Variants in HPSE2 observed in about 807,000 individuals in gnomAD.
HPSE2 encodes heparanase 2 (inactive).
HPSE2 carries 38 observed loss-of-function variants against 60.5 expected under a neutral mutation model. The observed-to-expected ratio is 0.63, with a 90% confidence interval of 0.48 to 0.82. The LOEUF is 0.82. HPSE2 is among the 40% of genes least tolerant of loss of function. The pLI is 0.00. For synonymous variants in HPSE2, 295 were observed against 293.2 expected, an observed-to-expected ratio of 1.01 and a Z score of -0.06; for missense variants, 713 against 740.4, an observed-to-expected ratio of 0.96 and a Z score of 0.43.
intron 9 of HPSE2, among the ~76,000 whole-genome samples, chr10:98,572,443 G>T (rs887946427): frequency 6.6e-6 from 1 of 152,084 alleles, no homozygotes; most frequent in African/African-American, 2.4e-5. Context: ...TGCTTTGGCT[G>T]CTTGCTCTAA....
intron 3 of HPSE2, among the ~76,000 whole-genome samples, chr10:98,795,704 G>T (rs1455899178): frequency 1.3e-5 from 2 of 152,220 alleles, no homozygotes; most frequent in African/African-American, 4.8e-5. Flanking sequence ...GGGTGGCTAA[G>T]GGAGTGCTTG....
intron 3 of HPSE2, among the ~76,000 whole-genome samples, chr10:98,780,056 T>C (rs978511945): frequency 6.6e-5 from 10 of 152,054 alleles, no homozygotes; most frequent in African/African-American, 2.2e-4. Context: ...ACTAAAATTG[T>C]TTTCTCTATG....
At chr10:98,602,556 ATTGG>A (rs1945458121) in intron 9 of HPSE2, among the ~76,000 whole-genome samples, 2 of 152,124 alleles carry the variant, frequency 1.3e-5, no homozygotes, top group Admixed American at 1.3e-4. Context: ...AGATTATGGT[ATTGG>A]CCATAATCTC....
chr10:99,219,040 A>C (rs1181572227), intron 2 of HPSE2, among the ~76,000 whole-genome samples: 3 of 152,222 alleles, frequency 2.0e-5, no homozygotes, highest in Admixed American at 1.3e-4. Flanking sequence ...TGGCTTAGTG[A>C]CTAAGTCACC....
At chr10:98,563,291 C>T (rs549855186) in intron 9 of HPSE2, among the ~76,000 whole-genome samples, 2 of 152,062 alleles carry the variant, frequency 1.3e-5, no homozygotes, top group African/African-American at 2.4e-5. Context: ...AGACATTATG[C>T]TAAGTCAAAG....
At chr10:99,109,771 G>T (rs1247050634) in intron 3 of HPSE2, among the ~76,000 whole-genome samples, 1 of 152,152 alleles carries the variant, frequency 6.6e-6, no homozygotes, top group East Asian at 1.9e-4. Flanking sequence ...GTTGGGTATT[G>T]CTAGTTCATA....
chr10:99,262,747 G>A, the HPSE2 span, among the ~76,000 whole-genome samples: 2 of 152,068 alleles, frequency 1.3e-5, no homozygotes, highest in Admixed American at 1.3e-4. Flanking sequence ...CAACCAAGTT[G>A]TCTTGCCTAT....
chr10:99,168,087 TACACAC>T (rs56393224), intron 2 of HPSE2, among the ~76,000 whole-genome samples: 5,777 of 144,668 alleles, frequency 0.04, 132 homozygotes, highest in Admixed American at 0.05. Context: ...TCAGCCTATT[TACACAC>T]ACACACACAC....
chr10:98,636,292 T>C (rs1206992093), intron 7 of HPSE2, among the ~76,000 whole-genome samples: 2 of 151,288 alleles, frequency 1.3e-5, no homozygotes, highest in Non-Finnish European at 2.9e-5. Context: ...CAGACTGGAG[T>C]GCAATGGCGT....
chr10:99,132,193 G>GC (rs1845436971), intron 3 of HPSE2, among the ~76,000 whole-genome samples: 1 of 13,418 alleles, frequency 7.5e-5, no homozygotes, highest in Non-Finnish European at 2.1e-4. Flanking sequence ...AAGAAAGAAA[G>GC]AGAGAGAGAG....
chr10:98,482,692 G>A lies in HPSE2; in HGVS notation c.1557C>T (p.Asp519=), dbSNP rs750545988. Reference sequence around the variant, plus strand: ...GCAGCAGGTACTGGTGAACCAGCTTGTCTCTGAGAGTCCCAGCCAGCTTGA... The same window carrying A: ...GCAGCAGGTACTGGTGAACCAGCTTATCTCTGAGAGTCCCAGCCAGCTTGA... ...KKIKLAGTLR[D]KLVHQYLLQP... The change falls in exon 11 of 12, where the codon GAC becomes GAT. Residue 519 remains aspartate (D), a synonymous_variant. Transcript: ENST00000370552. 6.2e-7 allele frequency: 1 copy of A among 1,614,184 alleles called. No individual in the cohort carries two copies. The highest frequency in any genetic ancestry group is 2.2e-5 in the East Asian group (1 of 44,882).
At chr10:98,876,641 T>G (rs1296371521) in intron 3 of HPSE2, among the ~76,000 whole-genome samples, 2 of 151,884 alleles carry the variant, frequency 1.3e-5, no homozygotes, top group African/African-American at 2.4e-5. Flanking sequence ...GAGGGTGGAT[T>G]TTTTTAGTCA....
rs1591261385 is a variant in HPSE2, at chr10:98,490,447, G to A, written c.1321-251C>T. On this transcript the variant is annotated intron_variant, in intron 9 of 11. Transcript: ENST00000370552. The stretch of plus-strand genomic sequence containing the variant: ...TTCAACTAAACTGGGATGTGTAAGT[G>A]GAGTCGATCCACAGCAGCATATGAA... Among the ~76,000 whole-genome samples, 4 of 152,242 alleles carry A rather than the reference G, an allele frequency of 2.6e-5. 1 individual carries two copies. In the Middle Eastern group the frequency reaches 0.01, roughly 388 times the overall value.
chr10:98,490,072 G>C lies in HPSE2; in HGVS notation c.1445C>G (p.Ala482Gly). Reference protein sequence around the residue: ...RVIRDKLRIYAHCTNHHNHNY... With the variant: ...RVIRDKLRIYGHCTNHHNHNY... ...TTACTTGTGGTGGTTTGTGCAGTGA[G>C]CATAAATCCTTAGTTTGTCCCGGAT... The change falls in exon 10 of 12, where the codon GCT (alanine) becomes GGT (glycine). Residue 482 changes from alanine to glycine, a missense_variant. Ala to Gly is a moderately conservative substitution (Grantham distance 60). Coordinates refer to ENST00000370552, the MANE Select transcript of HPSE2 (RefSeq NM_021828.5). 6.2e-7 allele frequency: 1 copy of C among 1,614,204 alleles called. No homozygotes were observed. Among genetic ancestry groups the C allele is most frequent in the Non-Finnish European group, 8.5e-7 (1 of 1,180,018 alleles).
chr10:99,283,136 A>T, the HPSE2 span, among the ~76,000 whole-genome samples: 186 of 151,432 alleles, frequency 1.2e-3, 5 homozygotes, highest in Non-Finnish European at 3.2e-4. Context: ...CAGTGAGCCA[A>T]GATCACGCCA....
At chr10:98,706,639 G>A (rs1440705519) in intron 5 of HPSE2, among the ~76,000 whole-genome samples, 2 of 152,188 alleles carry the variant, frequency 1.3e-5, no homozygotes, top group African/African-American at 4.8e-5. Context: ...TGTTGAATAT[G>A]AGATTGAAAG....
intron 9 of HPSE2, among the ~76,000 whole-genome samples, chr10:98,508,529 T>C (rs1010627993): frequency 6.6e-6 from 1 of 152,208 alleles, no homozygotes; most frequent in Admixed American, 6.5e-5. Context: ...ATCATGAAGT[T>C]TCTAACCTAG....
chr10:98,795,388 G>C (rs572790983), intron 3 of HPSE2, among the ~76,000 whole-genome samples: 3 of 152,338 alleles, frequency 2.0e-5, no homozygotes, highest in Admixed American at 2.0e-4. Flanking sequence ...CAGCAGATGG[G>C]GGACTTTACA....
chr10:99,056,308 T>C (rs982023736), intron 3 of HPSE2, among the ~76,000 whole-genome samples: 1 of 152,040 alleles, frequency 6.6e-6, no homozygotes, highest in Non-Finnish European at 1.5e-5. Context: ...ACTAAATATA[T>C]AATAAAAATT....
Sources: allele counts gnomAD v4.1 joint callset (sites outside exome capture counted in the v4.1 genomes callset), GRCh38; gene constraint gnomAD v4.1.1; transcripts MANE v1.5; gene names NCBI Gene and HGNC (gene_info 2026-07-23, HGNC 2026-07-21).